The following RASA3 variants were observed in gnomAD, a reference collection of about 807,000 sequenced individuals.
RASA3 encodes the protein RAS p21 protein activator 3, also known as ras GTPase-activating protein 3.
In RASA3, 73 loss-of-function variants were observed where a neutral mutation model predicts 110.0. The ratio of observed to expected loss-of-function variants is 0.66; its 90% CI spans 0.55 to 0.81. The LOEUF (loss-of-function observed/expected upper bound fraction) is 0.81. RASA3 is among the 30% of genes least tolerant of loss of function. RASA3 has a pLI of 0.00. For missense variants in RASA3, 976 were observed against 1,113.2 expected (o/e 0.88, Z 1.75); for synonymous variants, 500 against 451.4 (o/e 1.11, Z -1.37).
At chr13:114,005,401 G>A (rs1480889350) in intron 18 of RASA3, among the ~76,000 whole-genome samples, 1 of 152,194 alleles carries the variant, frequency 6.6e-6, no homozygotes, top group Non-Finnish European at 1.5e-5. Flanking sequence ...AGGGACCTCT[G>A]GGTGGAGGTT....
intron 1 of RASA3, among the ~76,000 whole-genome samples, chr13:114,110,292 C>A (rs1443337514): frequency 6.6e-6 from 1 of 152,192 alleles, no homozygotes; most frequent in Non-Finnish European, 1.5e-5. Context: ...GAGAGACAGA[C>A]CCGGGCCCCT....
chr13:114,093,697 C>T (rs1424903165), intron 1 of RASA3, among the ~76,000 whole-genome samples: 1 of 152,060 alleles, frequency 6.6e-6, no homozygotes, highest in Non-Finnish European at 1.5e-5. Flanking sequence ...AATATTTGTT[C>T]TTTTGATGTT....
intron 20 of RASA3, among the ~76,000 whole-genome samples, chr13:113,998,020 C>G (rs996155969): frequency 1.3e-5 from 2 of 152,248 alleles, no homozygotes; most frequent in African/African-American, 4.8e-5. Context: ...GTCTCCCCAG[C>G]TGGTGAGAGC....
Position 114,068,562 on chromosome 13 carries a change from C to T in RASA3, c.173+5158G>A, listed in dbSNP as rs540744086. Among the ~76,000 whole-genome samples the T allele has an allele frequency of 4.6e-5, 7 of 152,306 alleles. No homozygotes were observed. In the South Asian group the frequency reaches 1.0e-3, roughly 23 times the overall value. ...GACAAGACGGTGATTTCCACTGCAG[C>T]GCAGCCTTGGGGAGCGGGGTCATCT... is the stretch of plus-strand genomic sequence containing the variant. On this transcript the variant is annotated intron_variant, in intron 2 of 23. Coordinates refer to ENST00000334062, the MANE Select transcript of RASA3 (RefSeq NM_007368.4).
At chr13:114,002,763 G>A (rs139712712) in intron 18 of RASA3, among the ~76,000 whole-genome samples, 26 of 152,346 alleles carry the variant, frequency 1.7e-4, no homozygotes, top group African/African-American at 5.8e-4. Flanking sequence ...TGGTCTGGGC[G>A]CCTGGCTCTC....
rs780522424 is a variant in RASA3 at position 114,018,773 on chromosome 13, G to T, written c.932C>A (p.Ala311Glu). 66 of 1,613,094 alleles carry T rather than the reference G, an allele frequency of 4.1e-5. No individual in the cohort carries two copies. Among genetic ancestry groups the T allele is most frequent in the Non-Finnish European group, 5.5e-5 (65 of 1,179,890 alleles). Reference sequence around the variant, plus strand: ...GGCGTGGACAAGCACCTCCACATCCGCAGACTTCAACAGCAGGTCCCGCAG... The same window carrying T: ...GGCGTGGACAAGCACCTCCACATCCTCAGACTTCAACAGCAGGTCCCGCAG... ...SPLRDLLLKS[A>E]DVEPVSASAA... The change falls in exon 10 of 24, where the codon GCG becomes GAG. Residue 311 changes from alanine (A) to glutamate (E), a missense_variant. This residue lies in a region of RASA3 where 732 missense variants were observed against 779.7 expected (regional missense o/e 0.94). Transcript: ENST00000334062.
At position 114,112,101 on chromosome 13, in the gene RASA3, C is replaced by CCA. The variant is rs1555343907; in HGVS notation, c.55+20333_55+20334insTG. Among the ~76,000 whole-genome samples the CCA allele has an allele frequency of 6.6e-6, 1 of 151,662 alleles. No individual in the cohort carries two copies. The highest frequency in any genetic ancestry group is 6.6e-5 in the Admixed American group (1 of 15,220). ...CCTGGAAACAGCAGCCCCCAGGCAC[C>CCA]CCCCCCAGCAACTGGGACAAGGGCA... On this transcript the variant is annotated intron_variant, in intron 1 of 23. Coordinates refer to ENST00000334062, the MANE Select transcript of RASA3 (RefSeq NM_007368.4). This position sits in a 1 kb window ranked among gnomAD's most constrained non-coding sequence, Gnocchi z 4.8.
At chr13:114,089,144 T>G (rs1176933143) in intron 1 of RASA3, among the ~76,000 whole-genome samples, 2 of 151,602 alleles carry the variant, frequency 1.3e-5, no homozygotes, top group South Asian at 2.1e-4. Context: ...CCTGCTGCAC[T>G]TTCTGCTACT....
chr13:114,101,143 G>A (rs1026872029), intron 1 of RASA3, among the ~76,000 whole-genome samples: 17 of 152,126 alleles, frequency 1.1e-4, no homozygotes, highest in Admixed American at 2.0e-4. Flanking sequence ...CCTGTGTCCC[G>A]GCCAACGGCA....
At chr13:114,022,547 T>C (rs1266987101) in intron 8 of RASA3, among the ~76,000 whole-genome samples, 4 of 152,152 alleles carry the variant, frequency 2.6e-5, no homozygotes, top group African/African-American at 9.7e-5. Context: ...AGGCTGGGGA[T>C]TTTGTTACCC....
intron 22 of RASA3, among the ~76,000 whole-genome samples, chr13:113,991,661 C>T (rs1200471810): frequency 6.6e-6 from 1 of 152,206 alleles, no homozygotes; most frequent in Non-Finnish European, 1.5e-5. Context: ...GATAATGATA[C>T]ATACTGCATA....
intron 2 of RASA3, among the ~76,000 whole-genome samples, chr13:114,072,779 G>A (rs560824564): frequency 6.6e-6 from 1 of 152,342 alleles, no homozygotes; most frequent in East Asian, 1.9e-4. Flanking sequence ...ATGGGAAGGT[G>A]ATGTACATGC....
intron 2 of RASA3, among the ~76,000 whole-genome samples, chr13:114,055,080 TTGTGTGTGCA>T (rs2079218194): frequency 6.6e-6 from 1 of 151,180 alleles, no homozygotes; most frequent in South Asian, 2.1e-4. Flanking sequence ...AGGCACGTGT[TTGTGTGTGCA>T]TGTGTGTGCC....
chr13:114,129,057 G>A (rs1479710797), intron 1 of RASA3, among the ~76,000 whole-genome samples: 2 of 152,248 alleles, frequency 1.3e-5, no homozygotes, highest in Admixed American at 6.5e-5. Flanking sequence ...ACATCACTGC[G>A]AGGGGAGGAG....
In RASA3 at chr13:114,126,745, G is replaced by A. The variant is rs558682417; in HGVS notation, c.55+5690C>T. ...ACCTCCCATCTATGAAGATCTGAGC[G>A]GGGGAAGTGCCTGGTGCATCTAAGT... On this transcript the variant is annotated intron_variant, in intron 1 of 23. Transcript: ENST00000334062. Among the ~76,000 whole-genome samples the A allele has an allele frequency of 1.4e-4, 21 of 152,286 alleles. No homozygotes were observed. The South Asian group carries it at 3.1e-3, about 23-fold the overall frequency.
At chr13:113,979,445 G>A (rs1317312418) in intron 23 of RASA3, 23 bp from the exon 24 acceptor site, 2 of 1,553,686 alleles carry the variant, frequency 1.3e-6, no homozygotes, top group Non-Finnish European at 8.9e-7. Context: ...ATGGGAGAGG[G>A]AATGAGGCAC....
chr13:114,079,522 G>A (rs1572932), intron 1 of RASA3, among the ~76,000 whole-genome samples: 39,651 of 152,060 alleles, frequency 0.26, 5,265 homozygotes, highest in South Asian at 0.31. Context: ...AGTATTTACC[G>A]GAACAATAGT....
Position 114,111,918 on chromosome 13 carries a change from T to G in RASA3, c.55+20517A>C, listed in dbSNP as rs568054340. ...TGGTTGGGGTTGGGGCCCATCAACT[T>G]AAAATAGCTTCTGTTTATGCTGGTG... On this transcript the variant is annotated intron_variant, in intron 1 of 23. Transcript: ENST00000334062. 7.2e-5 allele frequency among the ~76,000 whole-genome samples: 11 copies of G among 152,314 alleles called. No individual in the cohort carries two copies. The South Asian group carries it at 8.3e-4, about 11-fold the overall frequency.
intron 4 of RASA3, 67 bp from the exon 5 acceptor site, chr13:114,029,954 G>T: frequency 4.2e-6 from 6 of 1,442,612 alleles, no homozygotes; most frequent in Non-Finnish European, 5.7e-6. Context: ...AGGGCCGCGC[G>T]CCCAGGGAAA....
Sources: gnomAD v4.1 joint callset for allele counts (sites outside exome capture counted in the v4.1 genomes callset) on GRCh38, gnomAD v4.1.1 for gene constraint, gnomAD v4.1.1 regional missense constraint, Gnocchi (gnomAD v3.1) non-coding constraint, MANE v1.5 for transcripts, NCBI Gene and HGNC (gene_info 2026-07-23, HGNC 2026-07-21) for gene names.